KCNIP4: variants seen among roughly 807,000 people sequenced by gnomAD.
KCNIP4 encodes the protein potassium voltage-gated channel interacting protein 4.
A neutral mutation model predicts 34.0 loss-of-function variants in KCNIP4; 12 were observed. The observed-to-expected ratio is 0.35, with a 90% CI of 0.23 to 0.57. KCNIP4 has a LOEUF of 0.57. KCNIP4 is among the 20% of genes least tolerant of loss of function. KCNIP4 has a pLI of 0.83. For synonymous variants in KCNIP4, 124 were observed against 102.2 expected, an observed-to-expected ratio of 1.21 and a Z score of -1.29; for missense variants, 238 against 311.7, an observed-to-expected ratio of 0.76 and a Z score of 1.78.
chr4:21,267,871 G>A (rs375974905), intron 1 of KCNIP4, among the ~76,000 whole-genome samples: 13 of 151,102 alleles, frequency 8.6e-5, no homozygotes, highest in South Asian at 2.1e-4. Flanking sequence ...CATAAAATGA[G>A]TTAGGGAGGA....
intron 1 of KCNIP4, among the ~76,000 whole-genome samples, chr4:21,488,153 A>G (rs2109852330): frequency 6.6e-6 from 1 of 152,254 alleles, no homozygotes; most frequent in South Asian, 2.1e-4. Flanking sequence ...ATATGTACTT[A>G]TCTGTACCGT....
chr4:21,923,520 G>A (rs1729061859), intron 1 of KCNIP4, among the ~76,000 whole-genome samples: 1 of 152,204 alleles, frequency 6.6e-6, no homozygotes, highest in South Asian at 2.1e-4. Flanking sequence ...GGTAGAGATT[G>A]AAGTGAGCCA....
At chr4:21,781,876 C>T (rs764691798) in intron 1 of KCNIP4, among the ~76,000 whole-genome samples, 2 of 151,948 alleles carry the variant, frequency 1.3e-5, no homozygotes, top group Non-Finnish European at 2.9e-5. Context: ...AAAGTGTTGA[C>T]ACCAGTAAAC....
At chr4:21,814,880 T>G (rs1423145932) in intron 1 of KCNIP4, among the ~76,000 whole-genome samples, 1 of 152,122 alleles carries the variant, frequency 6.6e-6, no homozygotes, top group African/African-American at 2.4e-5. Context: ...ACAATTAAAA[T>G]TGACACAGAA....
At chr4:20,981,774 T>C (rs1222136773) in intron 1 of KCNIP4, among the ~76,000 whole-genome samples, 1 of 152,244 alleles carries the variant, frequency 6.6e-6, no homozygotes, top group Non-Finnish European at 1.5e-5. Flanking sequence ...TCATGGATTC[T>C]ATATTGAATT....
intron 1 of KCNIP4, among the ~76,000 whole-genome samples, chr4:21,507,589 T>TCAA (rs1376765516): frequency 6.6e-6 from 1 of 152,172 alleles, no homozygotes; most frequent in Non-Finnish European, 1.5e-5. Context: ...AGATGCTATT[T>TCAA]CAACTCAATA....
chr4:21,355,329 C>CA (rs1334327448), intron 1 of KCNIP4, among the ~76,000 whole-genome samples: 17 of 152,060 alleles, frequency 1.1e-4, no homozygotes, highest in African/African-American at 3.9e-4. Context: ...AATAGAGACA[C>CA]AAAAAACCCT....
chr4:21,728,132 A>C (rs1715328143), intron 1 of KCNIP4, among the ~76,000 whole-genome samples: 1 of 152,136 alleles, frequency 6.6e-6, no homozygotes, highest in Non-Finnish European at 1.5e-5. Context: ...GACAATTTCC[A>C]AATTTAAATC....
chr4:21,368,204 T>C (rs1251614032), intron 1 of KCNIP4, among the ~76,000 whole-genome samples: 1 of 143,770 alleles, frequency 7.0e-6, no homozygotes, highest in African/African-American at 2.9e-5. Flanking sequence ...CATAAAATAA[T>C]CTTATTAGAA....
intron 2 of KCNIP4, 76 bp from the exon 3 acceptor site, chr4:20,850,743 C>T (rs988810517): frequency 2.4e-5 from 36 of 1,518,530 alleles, no homozygotes; most frequent in Middle Eastern, 4.6e-4. Flanking sequence ...CAAAGGAAAA[C>T]GGAAGAACAT....
chr4:21,783,005 G>C (rs538602426), intron 1 of KCNIP4, among the ~76,000 whole-genome samples: 1 of 152,254 alleles, frequency 6.6e-6, no homozygotes, highest in South Asian at 2.1e-4. Flanking sequence ...CAAGGATGAG[G>C]GATGCTGAAA....
chr4:21,180,148 C>T (rs953451522), intron 1 of KCNIP4, among the ~76,000 whole-genome samples: 1 of 152,152 alleles, frequency 6.6e-6, no homozygotes, highest in Non-Finnish European at 1.5e-5. Flanking sequence ...TATGATAACA[C>T]CAGTTTAATA....
rs10686415 is a variant in KCNIP4, at chr4:20,905,509, CTTTTTT to C, written c.62-22806_62-22801del. ...ACACAGGTAGTTGAACGTTTTCTTT[CTTTTTT>C]TTTTTTTTTTGTTTGAGATGGAGTC... On this transcript the variant is annotated intron_variant, in intron 1 of 8. Transcript: ENST00000382152. Among the ~76,000 whole-genome samples the C allele has an allele frequency of 3.3e-4, 24 of 72,800 alleles. No homozygotes were observed. In the South Asian group the frequency reaches 9.1e-3, roughly 28 times the overall value. 47.8% of individuals were successfully genotyped at this position (72,800 alleles called of 152,430 possible).
intron 1 of KCNIP4, among the ~76,000 whole-genome samples, chr4:21,082,948 A>C (rs543246094): frequency 6.6e-6 from 1 of 151,840 alleles, no homozygotes; most frequent in East Asian, 1.9e-4. Context: ...AACATTTTAC[A>C]TAAGTAGTAA....
intron 1 of KCNIP4, among the ~76,000 whole-genome samples, chr4:21,367,560 C>T (rs1719915000): frequency 7.5e-6 from 1 of 132,708 alleles, no homozygotes. Flanking sequence ...GCAAGTCATA[C>T]ATTTTATATT....
chr4:21,563,675 A>G (rs1303665306), intron 1 of KCNIP4, among the ~76,000 whole-genome samples: 1 of 152,090 alleles, frequency 6.6e-6, no homozygotes, highest in Non-Finnish European at 1.5e-5. Context: ...GTTAAGTCCT[A>G]TAAGAAAGGT....
At chr4:21,155,816 G>A (rs962415201) in intron 1 of KCNIP4, among the ~76,000 whole-genome samples, 2 of 152,138 alleles carry the variant, frequency 1.3e-5, no homozygotes, top group Non-Finnish European at 2.9e-5. Flanking sequence ...TGGCAGAGGA[G>A]GGAAGAGTTG....
chr4:21,918,357 C>T (rs1252928456), intron 1 of KCNIP4, among the ~76,000 whole-genome samples: 1 of 152,130 alleles, frequency 6.6e-6, no homozygotes, highest in East Asian at 1.9e-4. Context: ...AAAACTGGAG[C>T]TCAACAGGAG....
chr4:21,725,850 A>G (rs1185503603), intron 1 of KCNIP4, among the ~76,000 whole-genome samples: 2 of 152,170 alleles, frequency 1.3e-5, no homozygotes, highest in Non-Finnish European at 2.9e-5. Flanking sequence ...TATAAAATTG[A>G]TTTAATAATT....
Sources: gnomAD v4.1 joint callset for allele counts (sites outside exome capture counted in the v4.1 genomes callset) on GRCh38, gnomAD v4.1.1 for gene constraint, MANE v1.5 for transcripts, NCBI Gene and HGNC (gene_info 2026-07-23, HGNC 2026-07-21) for gene names.